The following ADSL variants were observed in gnomAD, a reference collection of about 807,000 sequenced individuals.
The protein encoded by ADSL is adenylosuccinate lyase.
A neutral mutation model predicts 62.1 loss-of-function variants in ADSL; 44 were observed. The observed-to-expected ratio is 0.71, with a 90% CI of 0.56 to 0.91. ADSL has a LOEUF of 0.91. Ranked by LOEUF, ADSL falls within the 40% of genes least tolerant of loss-of-function variation. The probability of loss-of-function intolerance (pLI) is 0.00; values close to 1 mark genes in which losing one functional copy is unlikely to be tolerated. For missense variants in ADSL, 531 were observed against 627.4 expected (o/e 0.85, Z 1.64); for synonymous variants, 198 against 220.5 (o/e 0.90, Z 0.90).
At chr22:40,375,060 C>T (rs762264554) in intron 2 of ADSL, among the ~76,000 whole-genome samples, 8 of 152,204 alleles carry the variant, frequency 5.3e-5, no homozygotes, top group Non-Finnish European at 1.0e-4. Flanking sequence ...ACCATTTATA[C>T]ATGAGGAGAG....
At chr22:40,356,393 G>T (rs5757923) in intron 4 of ADSL, among the ~76,000 whole-genome samples, 1 of 151,910 alleles carries the variant, frequency 6.6e-6, no homozygotes, top group East Asian at 1.9e-4. Flanking sequence ...CAAATAGCTG[G>T]GTGTGGTGGC....
At chr22:40,364,841 T>C in intron 11 of ADSL, 39 bp from the exon 12 acceptor site, 1 of 1,609,040 alleles carries the variant, frequency 6.2e-7, no homozygotes, top group Non-Finnish European at 8.5e-7. Context: ...TCAAACGCCC[T>C]GTTAGTAGGG....
At chr22:40,355,717 A>G (rs962122888) in intron 4 of ADSL, among the ~76,000 whole-genome samples, 5 of 152,194 alleles carry the variant, frequency 3.3e-5, no homozygotes, top group African/African-American at 9.7e-5. Flanking sequence ...GCTTACACCA[A>G]TAATCTGTTA....
intron 2 of ADSL, among the ~76,000 whole-genome samples, chr22:40,380,217 CTGTG>C (rs943711535): frequency 1.3e-5 from 2 of 151,970 alleles, no homozygotes; most frequent in African/African-American, 4.8e-5. Context: ...TTTTTTAATG[CTGTG>C]TGTGTATTTG....
chr22:40,356,073 A>G (rs985805793), intron 4 of ADSL, among the ~76,000 whole-genome samples: 3 of 150,422 alleles, frequency 2.0e-5, no homozygotes, highest in African/African-American at 4.9e-5. Flanking sequence ...GCAGTGGCGC[A>G]TGCCTATAGT....
At chr22:40,364,232 C>A in intron 10 of ADSL, 44 bp from the exon 11 acceptor site, 2 of 1,564,020 alleles carry the variant, frequency 1.3e-6, no homozygotes, top group Non-Finnish European at 8.8e-7. Flanking sequence ...TGACTTTAAC[C>A]TTGAGGCACC....
At chr22:40,357,645 A>G (rs144924721) in intron 4 of ADSL, among the ~76,000 whole-genome samples, 6 of 152,322 alleles carry the variant, frequency 3.9e-5, no homozygotes, top group African/African-American at 9.6e-5. Context: ...CCATAGCATG[A>G]CTATTCCTCA....
At chr22:40,386,562 CTTTTTTTTTTTTT>C (rs60319316) in intron 2 of ADSL, among the ~76,000 whole-genome samples, 2 of 68,368 alleles carry the variant, frequency 2.9e-5, no homozygotes, top group African/African-American at 1.1e-4. Flanking sequence ...AATTTTCTTA[CTTTTTTTTTTTTT>C]TTTTTTTTTT....
At chr22:40,375,776 G>T (rs867658397) in intron 2 of ADSL, among the ~76,000 whole-genome samples, 3 of 151,834 alleles carry the variant, frequency 2.0e-5, no homozygotes, top group Non-Finnish European at 2.9e-5. Context: ...CTGGGCTTAT[G>T]TCTGTAATCC....
At chr22:40,370,551 C>G (rs1439022256), downstream of ADSL, 1 of 152,312 alleles carries the variant, frequency 6.6e-6, no homozygotes, top group Admixed American at 6.5e-5. Flanking sequence ...GGAACGACTA[C>G]AGCCCCCAGC....
At chr22:40,379,600 GC>G (rs2047225126) in intron 2 of ADSL, 1 of 152,218 alleles carries the variant, frequency 6.6e-6, no homozygotes, top group Non-Finnish European at 1.5e-5. Context: ...TGCAGCATAT[GC>G]ATATCCCTCA....
At chr22:40,371,857 C>T (rs1423979429), downstream of ADSL, among the ~76,000 whole-genome samples, 7 of 151,678 alleles carry the variant, frequency 4.6e-5, no homozygotes, top group South Asian at 2.1e-4. Flanking sequence ...CCACCACGCC[C>T]GGCTAATTTG....
intron 2 of ADSL, among the ~76,000 whole-genome samples, chr22:40,381,042 TG>T (rs1323525686): frequency 6.6e-6 from 1 of 152,228 alleles, no homozygotes; most frequent in Admixed American, 6.5e-5. Context: ...AGCATGATAA[TG>T]GTTTAGCATG....
At chr22:40,371,112 C>G (rs1274522731), downstream of ADSL, among the ~76,000 whole-genome samples, 1 of 152,224 alleles carries the variant, frequency 6.6e-6, no homozygotes, top group African/African-American at 2.4e-5. Context: ...GCGGTTTTCC[C>G]TTTAAGATTC....
chr22:40,375,173 G>A (rs918940147), intron 2 of ADSL, among the ~76,000 whole-genome samples: 1 of 152,138 alleles, frequency 6.6e-6, no homozygotes, highest in Non-Finnish European at 1.5e-5. Context: ...TTCTAAGTGT[G>A]ATACATGTTT....
At chr22:40,347,459 G>A (rs1311477069) in intron 1 of ADSL, 2 of 152,258 alleles carry the variant, frequency 1.3e-5, no homozygotes, top group Non-Finnish European at 2.9e-5. Flanking sequence ...GAAGCAAACT[G>A]AAGGTGATCC....
intron 2 of ADSL, among the ~76,000 whole-genome samples, chr22:40,381,320 T>A (rs1177584008): frequency 6.6e-6 from 1 of 152,148 alleles, no homozygotes; most frequent in Admixed American, 6.5e-5. Flanking sequence ...GCTAATTTTT[T>A]AAATTTTTTG....
intron 3 of ADSL, 82 bp from the exon 4 acceptor site, chr22:40,354,166 A>G (rs1471880253): frequency 1.6e-6 from 2 of 1,216,856 alleles, no homozygotes; most frequent in Non-Finnish European, 2.4e-6. Flanking sequence ...TTTATACAAA[A>G]TTATCTGAAA....
chr22:40,354,950 G>A (rs887620762), intron 4 of ADSL, among the ~76,000 whole-genome samples: 2 of 151,986 alleles, frequency 1.3e-5, no homozygotes, highest in Non-Finnish European at 2.9e-5. Flanking sequence ...TCCATAGGTT[G>A]GAATAACATG....
Sources: gnomAD v4.1 joint callset for allele counts (sites outside exome capture counted in the v4.1 genomes callset) on GRCh38, gnomAD v4.1.1 for gene constraint, MANE v1.5 for transcripts, NCBI Gene and HGNC (gene_info 2026-07-23, HGNC 2026-07-21) for gene names.